The following SHLD2 variants were observed in gnomAD, a reference collection of about 807,000 sequenced individuals.
SHLD2 encodes shieldin complex subunit 2.
A neutral mutation model predicts 73.2 loss-of-function variants in SHLD2; 30 were observed. The ratio of observed to expected loss-of-function variants is 0.41; its 90% confidence interval spans 0.31 to 0.56. The LOEUF (loss-of-function observed/expected upper bound fraction) is 0.56, where lower values mean the gene tolerates loss of function less well. Among genes scored for constraint, SHLD2 ranks in the 20% least tolerant of loss-of-function variants. SHLD2 has a pLI of 0.28. For missense variants in SHLD2, 745 were observed against 1,055.9 expected (o/e 0.71, Z 4.08); for synonymous variants, 285 against 370.1 (o/e 0.77, Z 2.64).
At chr10:87,107,988 G>C (rs1482113973) in intron 2 of SHLD2, among the ~76,000 whole-genome samples, 2 of 151,990 alleles carry the variant, frequency 1.3e-5, no homozygotes, top group Non-Finnish European at 2.9e-5. Flanking sequence ...GTTTCAAGCA[G>C]TTCTCGTGCC....
chr10:87,134,911 C>T (rs1844693274), intron 2 of SHLD2, among the ~76,000 whole-genome samples: 1 of 152,156 alleles, frequency 6.6e-6, no homozygotes, highest in African/African-American at 2.4e-5. Flanking sequence ...TGCACGAGGG[C>T]ACCTGAGCTT....
Position 87,152,734 on chromosome 10 carries a change from A to G in SHLD2, c.1380A>G (p.Lys460=), listed in dbSNP as rs1485893269. The G allele has an allele frequency of 1.9e-6, 3 of 1,611,882 alleles. No individual in the cohort carries two copies. Among genetic ancestry groups the G allele is most frequent in the Non-Finnish European group, 2.5e-6 (3 of 1,179,864 alleles). ...SPCHVKEINI[K]FGPNSGSKVP... Reference sequence around the variant, plus strand: ...GCCATGTGAAGGAAATAAACATAAAATTCGGACCAAATTCTGGCTCTAAAG... The same window carrying G: ...GCCATGTGAAGGAAATAAACATAAAGTTCGGACCAAATTCTGGCTCTAAAG... Residue 460 remains lysine (K), a synonymous_variant, in exon 3 of 10, where the codon AAA becomes AAG. Transcript: ENST00000298786.
At chr10:87,112,277 C>A (rs1291278939) in intron 2 of SHLD2, among the ~76,000 whole-genome samples, 3 of 148,390 alleles carry the variant, frequency 2.0e-5, no homozygotes, top group Admixed American at 6.7e-5. Context: ...AGAGATATGT[C>A]TCCAAAGAAA....
intron 2 of SHLD2, among the ~76,000 whole-genome samples, chr10:87,146,584 G>A (rs531675086): frequency 1.6e-3 from 239 of 149,858 alleles, no homozygotes; most frequent in Non-Finnish European, 3.0e-3. Context: ...TTGAGCCACC[G>A]CGCCCAGCCT....
chr10:87,096,324 C>T (rs747090133), intron 1 of SHLD2, among the ~76,000 whole-genome samples: 2 of 152,066 alleles, frequency 1.3e-5, no homozygotes, highest in African/African-American at 2.4e-5. Flanking sequence ...GGATTACAGA[C>T]GTGAGCCACC....
At chr10:87,183,867 CCT>C (rs1399743818) in intron 8 of SHLD2, among the ~76,000 whole-genome samples, 3 of 152,334 alleles carry the variant, frequency 2.0e-5, no homozygotes, top group Non-Finnish European at 1.5e-5. Flanking sequence ...TCTTCTACCC[CCT>C]CTTTAAATGC....
intron 2 of SHLD2, among the ~76,000 whole-genome samples, chr10:87,099,282 G>A (rs1842111554): frequency 2.6e-5 from 4 of 151,920 alleles, no homozygotes; most frequent in Admixed American, 6.6e-5. Context: ...AAGATTGTTA[G>A]GATTTAGAAA....
intron 7 of SHLD2, among the ~76,000 whole-genome samples, chr10:87,178,884 T>G (rs1356274218): frequency 3.3e-5 from 5 of 152,190 alleles, no homozygotes; most frequent in African/African-American, 1.2e-4. Context: ...CTTTGGGCAT[T>G]GAAAGACTAA....
intron 2 of SHLD2, among the ~76,000 whole-genome samples, chr10:87,125,913 G>C (rs1334041897): frequency 6.6e-6 from 1 of 152,076 alleles, no homozygotes; most frequent in South Asian, 2.1e-4. Context: ...GGCTACAAGA[G>C]TGAGACTCTG....
intron 2 of SHLD2, among the ~76,000 whole-genome samples, chr10:87,148,410 T>C (rs1845773550): frequency 6.6e-6 from 1 of 152,158 alleles, no homozygotes; most frequent in African/African-American, 2.4e-5. Flanking sequence ...TTTCAAATGG[T>C]AGTAAAAGTA....
At chr10:87,142,922 CT>C (rs71269253) in intron 2 of SHLD2, among the ~76,000 whole-genome samples, 10,316 of 83,132 alleles carry the variant, frequency 0.12, 497 homozygotes, top group African/African-American at 0.18. Context: ...TTTATTTTTA[CT>C]TTTTTTTTTT....
intron 6 of SHLD2, 111 bp downstream of exon 6, chr10:87,171,085 T>C (rs1847568055): frequency 1.6e-6 from 1 of 626,732 alleles, no homozygotes; most frequent in Non-Finnish European, 2.8e-6. Flanking sequence ...GAAATACAAG[T>C]GATCATGATT....
chr10:87,147,357 AAG>A (rs71019470), intron 2 of SHLD2, among the ~76,000 whole-genome samples: 8 of 150,250 alleles, frequency 5.3e-5, no homozygotes, highest in African/African-American at 9.7e-5. Context: ...CCCAAGGAGG[AAG>A]AGAGAGAGAG....
chr10:87,100,881 T>C (rs1459037092), intron 2 of SHLD2, among the ~76,000 whole-genome samples: 3 of 152,194 alleles, frequency 2.0e-5, no homozygotes, highest in African/African-American at 7.2e-5. Context: ...ATTAGGATCA[T>C]GTTTCCAATT....
intron 2 of SHLD2, among the ~76,000 whole-genome samples, chr10:87,142,095 A>C (rs1036484671): frequency 9.8e-5 from 15 of 152,358 alleles, no homozygotes; most frequent in Admixed American, 2.6e-4. Flanking sequence ...TGACAGTTTA[A>C]AAAATAAATT....
chr10:87,189,151 G>A lies in SHLD2; in HGVS notation c.2516-1333G>A, dbSNP rs536673917. ...CAAGTAGCTGGGATTACAGGCATGC[G>A]CCACCATGCCCGGCTAATTTTGTAT... On this transcript the variant is annotated intron_variant, in intron 9 of 9. Coordinates refer to ENST00000298786, the MANE Select transcript of SHLD2 (RefSeq NM_001330112.2). 1.3e-4 allele frequency among the ~76,000 whole-genome samples: 20 copies of A among 152,112 alleles called. No homozygotes were observed. In the South Asian group the frequency reaches 3.3e-3, roughly 25 times the overall value.
chr10:87,102,950 T>C (rs1156346048), intron 2 of SHLD2, among the ~76,000 whole-genome samples: 1 of 151,026 alleles, frequency 6.6e-6, no homozygotes, highest in Non-Finnish European at 1.5e-5. Context: ...GGTGGCTCGC[T>C]CCTGTAATCC....
intron 1 of SHLD2, among the ~76,000 whole-genome samples, chr10:87,096,242 G>A (rs1481438586): frequency 1.3e-5 from 2 of 151,868 alleles, no homozygotes; most frequent in South Asian, 2.1e-4. Flanking sequence ...ACGGGGTTTC[G>A]CTGTGCTGGC....
At chr10:87,130,312 G>T (rs978923777) in intron 2 of SHLD2, among the ~76,000 whole-genome samples, 9 of 143,506 alleles carry the variant, frequency 6.3e-5, no homozygotes, top group African/African-American at 2.3e-4. Flanking sequence ...TTCCTGTCTG[G>T]TGGGAGGAGG....
Sources: allele counts gnomAD v4.1 joint callset (sites outside exome capture counted in the v4.1 genomes callset), GRCh38; gene constraint gnomAD v4.1.1; transcripts MANE v1.5; gene names NCBI Gene and HGNC (gene_info 2026-07-23, HGNC 2026-07-21).